Variants in RAB27B observed in about 807,000 individuals in gnomAD.
RAB27B encodes RAB27B, member RAS oncogene family, also known as ras-related protein Rab-27B.
In RAB27B, 15 loss-of-function variants were observed where a neutral mutation model predicts 24.6. The ratio of observed to expected loss-of-function variants is 0.61; its 90% confidence interval spans 0.41 to 0.94. The LOEUF (loss-of-function observed/expected upper bound fraction) is 0.94. RAB27B is among the 40% of genes least tolerant of loss of function. The pLI is 0.00. For missense variants in RAB27B, 261 were observed against 266.8 expected, an observed-to-expected ratio of 0.98 and a Z score of 0.15; for synonymous variants, 105 against 92.5, an observed-to-expected ratio of 1.14 and a Z score of -0.78.
rs964573492 is a variant in RAB27B at position 54,775,292 on chromosome 18, G to A, written c.-20+57151G>A. Among the ~76,000 whole-genome samples, 23 of 152,222 alleles carry A rather than the reference G, an allele frequency of 1.5e-4. No homozygotes were observed. In the East Asian group the frequency reaches 1.9e-3, roughly 13 times the overall value. On this transcript the variant is annotated intron_variant, in intron 2 of 4. Transcript: ENST00000586570. ...CTAAATGATAGAATGGAGCAGCTGC[G>A]CTTCAGACCTTATTCTTAAATCTGG...
Position 54,877,674 on chromosome 18 carries a change from C to T in RAB27B, c.89C>T (p.Thr30Ile). 3 of 1,596,788 alleles carry T rather than the reference C, an allele frequency of 1.9e-6. No individual in the cohort carries two copies. The highest frequency in any genetic ancestry group is 2.6e-6 in the Non-Finnish European group (3 of 1,175,238). Residue 30 changes from threonine to isoleucine, a missense_variant, in exon 2 of 6, where the codon ACA (threonine) becomes ATA (isoleucine). Thr to Ile is a moderately conservative substitution (Grantham distance 89). Transcript: ENST00000262094. Reference protein sequence around the residue: ...VGKTTFLYRYTDNKFNPKFIT... With the variant: ...VGKTTFLYRYIDNKFNPKFIT... ...AAGACAACATTTCTTTATAGATACA[C>T]AGATAATAAATTCAATCCCAAATTC...
At chr18:54,726,746 A>G (rs557149633) in intron 2 of RAB27B, among the ~76,000 whole-genome samples, 2 of 151,734 alleles carry the variant, frequency 1.3e-5, no homozygotes, top group East Asian at 1.9e-4. Flanking sequence ...CTACCTTCAA[A>G]TTGTGTCATT....
intron 1 of RAB27B, among the ~76,000 whole-genome samples, chr18:54,860,411 C>G (rs1911966564): frequency 2.0e-5 from 3 of 152,106 alleles, no homozygotes; most frequent in Non-Finnish European, 2.9e-5. Context: ...ACCAATGACA[C>G]TCGTGCACAT....
intron 1 of RAB27B, among the ~76,000 whole-genome samples, chr18:54,876,275 G>A (rs1174575125): frequency 4.6e-5 from 7 of 152,048 alleles, no homozygotes; most frequent in Admixed American, 2.6e-4. Context: ...TGACATGTGG[G>A]GATTATGGGG....
At chr18:54,806,592 T>G (rs1909797813) in intron 2 of RAB27B, among the ~76,000 whole-genome samples, 1 of 149,526 alleles carries the variant, frequency 6.7e-6, no homozygotes, top group Non-Finnish European at 1.5e-5. Context: ...CACATAAATA[T>G]AAGTGACTTA....
At chr18:54,830,403 T>C (rs961284649) in intron 1 of RAB27B, among the ~76,000 whole-genome samples, 3 of 152,208 alleles carry the variant, frequency 2.0e-5, no homozygotes, top group Non-Finnish European at 4.4e-5. Flanking sequence ...GCATGAAATA[T>C]AGAACAATTA....
intron 2 of RAB27B, among the ~76,000 whole-genome samples, chr18:54,759,091 ATAAG>A (rs1420786090): frequency 6.6e-6 from 1 of 152,190 alleles, no homozygotes; most frequent in African/African-American, 2.4e-5. Flanking sequence ...TATTTGGTCA[ATAAG>A]CACATGTTGA....
At chr18:54,874,926 A>G (rs950612683) in intron 1 of RAB27B, among the ~76,000 whole-genome samples, 1 of 152,202 alleles carries the variant, frequency 6.6e-6, no homozygotes, top group African/African-American at 2.4e-5. Flanking sequence ...GTGGGGGGAA[A>G]TCATACTATG....
chr18:54,843,302 T>C (rs781576217), intron 1 of RAB27B, among the ~76,000 whole-genome samples: 2 of 152,190 alleles, frequency 1.3e-5, no homozygotes, highest in East Asian at 1.9e-4. Context: ...GTAGAGTTGA[T>C]ATTTGTTAAA....
At position 54,890,288 on chromosome 18, in the gene RAB27B, G is replaced by T. The variant is rs923218251; in HGVS notation, c.*875G>T. The stretch of plus-strand genomic sequence containing the variant: ...ATTTCAAACAAAATTTTAGAAATTG[G>T]TTTGGTGTTCAGCTTCACATTTCAT... On this transcript the variant is annotated 3_prime_UTR_variant, in exon 6 of 6. Coordinates refer to ENST00000262094, the MANE Select transcript of RAB27B (RefSeq NM_004163.4). 8.7e-4 allele frequency: 132 copies of T among 152,100 alleles called. 1 individual carries two copies. The highest frequency in any genetic ancestry group is 3.1e-3 in the African/African-American group (127 of 41,432). The allele number at this position is 152,100 out of a possible 1,614,324, so 9.4% of individuals were successfully genotyped here.
chr18:54,771,420 GA>G (rs1268143699), intron 2 of RAB27B, among the ~76,000 whole-genome samples: 5 of 152,138 alleles, frequency 3.3e-5, no homozygotes, highest in African/African-American at 1.2e-4. Flanking sequence ...TTCATGATGA[GA>G]AGTCGAAGTG....
intron 2 of RAB27B, among the ~76,000 whole-genome samples, chr18:54,763,904 A>G (rs1042491409): frequency 6.6e-6 from 1 of 152,130 alleles, no homozygotes; most frequent in East Asian, 1.9e-4. Flanking sequence ...TGCTAAGGGA[A>G]GAAGTATTGA....
At chr18:54,872,216 C>T (rs1194685700) in intron 1 of RAB27B, among the ~76,000 whole-genome samples, 1 of 152,190 alleles carries the variant, frequency 6.6e-6, no homozygotes, top group Non-Finnish European at 1.5e-5. Flanking sequence ...ACAAATTTTA[C>T]TTTCAAGTGC....
At chr18:54,805,223 G>A (rs1305577615) in intron 2 of RAB27B, among the ~76,000 whole-genome samples, 2 of 151,986 alleles carry the variant, frequency 1.3e-5, no homozygotes, top group Admixed American at 1.3e-4. Flanking sequence ...CAGCAAGTGG[G>A]AATCTTATCA....
intron 3 of RAB27B, among the ~76,000 whole-genome samples, chr18:54,882,265 A>C (rs1301529793): frequency 6.6e-6 from 1 of 152,212 alleles, no homozygotes; most frequent in Non-Finnish European, 1.5e-5. Flanking sequence ...TAAAATATTT[A>C]ATAATTGTAT....
At chr18:54,739,826 G>T (rs1051300269) in intron 2 of RAB27B, among the ~76,000 whole-genome samples, 1 of 151,970 alleles carries the variant, frequency 6.6e-6, no homozygotes, top group Non-Finnish European at 1.5e-5. Context: ...GGTATGTAGT[G>T]GTATCTCACT....
At chr18:54,779,562 G>T (rs1405041682) in intron 2 of RAB27B, among the ~76,000 whole-genome samples, 1 of 151,378 alleles carries the variant, frequency 6.6e-6, no homozygotes, top group Non-Finnish European at 1.5e-5. Context: ...CACAGCCAGG[G>T]AGGAATCTAC....
chr18:54,760,475 T>A (rs1908150547), intron 2 of RAB27B, among the ~76,000 whole-genome samples: 1 of 152,142 alleles, frequency 6.6e-6, no homozygotes, highest in Non-Finnish European at 1.5e-5. Context: ...ATACATAATT[T>A]AGGAAATACA....
chr18:54,801,262 A>G (rs1284500658), intron 2 of RAB27B, among the ~76,000 whole-genome samples: 1 of 152,002 alleles, frequency 6.6e-6, no homozygotes. Flanking sequence ...TAATCCACCC[A>G]TCTTGGCCTC....
Sources: allele counts gnomAD v4.1 joint callset (sites outside exome capture counted in the v4.1 genomes callset), GRCh38; gene constraint gnomAD v4.1.1; transcripts MANE v1.5; gene names NCBI Gene and HGNC (gene_info 2026-07-23, HGNC 2026-07-21).